The following THRAP3 variants were observed in gnomAD, a reference collection of about 807,000 sequenced individuals.
The protein encoded by THRAP3 is thyroid hormone receptor-associated protein 3.
In THRAP3, 16 loss-of-function variants were observed where a neutral mutation model predicts 101.0. The ratio of observed to expected loss-of-function variants is 0.16; its 90% CI spans 0.11 to 0.24. The LOEUF (loss-of-function observed/expected upper bound fraction) is 0.24. Among genes scored for constraint, THRAP3 ranks in the 10% least tolerant of loss-of-function variants. The pLI, the probability that THRAP3 is intolerant of heterozygous loss-of-function variation, is 1.00. For synonymous variants in THRAP3, 407 were observed against 422.6 expected (o/e 0.96, Z 0.45); for missense variants, 989 against 1,202.7 (o/e 0.82, Z 2.63).
chr1:36,214,528 A>C, the THRAP3 span, among the ~76,000 whole-genome samples: 1 of 152,128 alleles, frequency 6.6e-6, no homozygotes. Flanking sequence ...GGTTTGCCCT[A>C]ATCCGTTCTC....
chr1:36,256,710 C>A (rs1323658949), intron 1 of THRAP3, among the ~76,000 whole-genome samples: 1 of 152,180 alleles, frequency 6.6e-6, no homozygotes, highest in Non-Finnish European at 1.5e-5. Context: ...AAACCAAAGT[C>A]CTTACTTTGA....
At chr1:36,264,113 G>A (rs1399745324) in intron 2 of THRAP3, among the ~76,000 whole-genome samples, 1 of 152,250 alleles carries the variant, frequency 6.6e-6, no homozygotes, top group Non-Finnish European at 1.5e-5. Context: ...AGGCTGGAGT[G>A]CAGTGGCGCA....
At chr1:36,272,439 AG>A (rs921815530) in intron 2 of THRAP3, among the ~76,000 whole-genome samples, 4 of 152,164 alleles carry the variant, frequency 2.6e-5, no homozygotes, top group African/African-American at 9.7e-5. Flanking sequence ...GCCTTGGCAG[AG>A]TGTTACTCTA....
At chr1:36,269,954 A>G (rs922482610) in intron 2 of THRAP3, among the ~76,000 whole-genome samples, 4 of 152,126 alleles carry the variant, frequency 2.6e-5, no homozygotes, top group African/African-American at 9.7e-5. Flanking sequence ...GGCTTTATCT[A>G]TCCACACTTG....
chr1:36,237,496 C>T (rs1294665827), intron 1 of THRAP3, among the ~76,000 whole-genome samples: 6 of 141,912 alleles, frequency 4.2e-5, no homozygotes, highest in Non-Finnish European at 9.1e-5. Flanking sequence ...AAAGGCTGGG[C>T]GCGATGGCTC....
chr1:36,215,082 A>G, the THRAP3 span, among the ~76,000 whole-genome samples: 3 of 151,356 alleles, frequency 2.0e-5, no homozygotes, highest in Non-Finnish European at 2.9e-5. Context: ...AAATTAGCCG[A>G]GCATGGTGGC....
rs1013322984 is a variant in THRAP3, at chr1:36,304,944, T to A, written c.*927T>A. Reference sequence around the variant, plus strand: ...ATCTTTTTATAAAATGAAAAGAAACTCCTATGATCGATTAAGGAAGGTGGT... The same window carrying A: ...ATCTTTTTATAAAATGAAAAGAAACACCTATGATCGATTAAGGAAGGTGGT... On this transcript the variant is annotated 3_prime_UTR_variant, in exon 12 of 12. Coordinates refer to ENST00000354618, the MANE Select transcript of THRAP3 (RefSeq NM_005119.4). 1.0e-4 allele frequency: 21 copies of A among 209,512 alleles called. No homozygotes were observed. Among genetic ancestry groups the A allele is most frequent in the Non-Finnish European group, 9.7e-6 (1 of 102,970 alleles). The allele number at this position is 209,512 out of a possible 1,614,324, so 13.0% of individuals were successfully genotyped here.
chr1:36,228,763 C>A (rs946089985), intron 1 of THRAP3, among the ~76,000 whole-genome samples: 3 of 152,156 alleles, frequency 2.0e-5, no homozygotes, highest in African/African-American at 4.8e-5. Context: ...AAAATGTGTT[C>A]TCCTTCTACC....
chr1:36,264,088 C>A (rs1645482434), intron 2 of THRAP3, among the ~76,000 whole-genome samples: 1 of 152,198 alleles, frequency 6.6e-6, no homozygotes, highest in Non-Finnish European at 1.5e-5. Flanking sequence ...GAGACGGAGT[C>A]TCGCTCTGTC....
At chr1:36,293,138 C>T (rs1645899725) in intron 7 of THRAP3, among the ~76,000 whole-genome samples, 1 of 141,072 alleles carries the variant, frequency 7.1e-6, no homozygotes, top group Admixed American at 7.9e-5. Flanking sequence ...AAGCAATTCT[C>T]ATGCCTTAGC....
chr1:36,288,662 T>G lies in THRAP3; in HGVS notation c.1041-398T>G, dbSNP rs566042633. ...AGCAAAACAGTCCAAGGTTGAACAT[T>G]CTATGTTAACTTTGCTGAAAGCAGA... On this transcript the variant is annotated intron_variant, in intron 4 of 11. Transcript: ENST00000354618. 9 of 985,484 alleles carry G rather than the reference T, an allele frequency of 9.1e-6. No homozygotes were observed. The South Asian group carries it at 4.2e-4, about 46-fold the overall frequency. 61.0% of individuals were successfully genotyped at this position (985,484 alleles called of 1,614,324 possible). A position where few individuals can be genotyped will look rare whatever the true frequency, so the allele number is the denominator to read the frequency against.
chr1:36,271,455 G>A lies in THRAP3; in HGVS notation c.-31-11078G>A, dbSNP rs989207150. Among the ~76,000 whole-genome samples, 3 of 152,066 alleles carry A rather than the reference G, an allele frequency of 2.0e-5. No individual in the cohort carries two copies. In the East Asian group the frequency reaches 5.8e-4, roughly 29 times the overall value. On this transcript the variant is annotated intron_variant, in intron 2 of 11. Coordinates refer to ENST00000354618, the MANE Select transcript of THRAP3 (RefSeq NM_005119.4). ...ATGCCAACACACCTGGCTAATTCTTGTATTTTTAGTGGAGACGGGGTTTCA... is the reference window on the plus strand; with the variant it reads ...ATGCCAACACACCTGGCTAATTCTTATATTTTTAGTGGAGACGGGGTTTCA...
intron 9 of THRAP3, among the ~76,000 whole-genome samples, chr1:36,297,225 G>C (rs1645964317): frequency 6.6e-6 from 1 of 152,196 alleles, no homozygotes; most frequent in Non-Finnish European, 1.5e-5. Context: ...TAGTTTTACA[G>C]ACAGTTCCAA....
At chr1:36,224,728 A>C (rs1216765075) in intron 1 of THRAP3, among the ~76,000 whole-genome samples, 1 of 151,958 alleles carries the variant, frequency 6.6e-6, no homozygotes, top group Non-Finnish European at 1.5e-5. Flanking sequence ...CTAGCTCCCA[A>C]GGCTCTTGGT....
At chr1:36,292,571 A>G (rs770553311) in intron 6 of THRAP3, 27 bp from the exon 7 acceptor site, 13 of 1,585,814 alleles carry the variant, frequency 8.2e-6, no homozygotes, top group South Asian at 2.2e-5. Context: ...TGCCTGGCCC[A>G]TAATGTGTTT....
chr1:36,220,323 T>G (rs1476255904), upstream of THRAP3, among the ~76,000 whole-genome samples: 4 of 152,188 alleles, frequency 2.6e-5, no homozygotes, highest in Non-Finnish European at 4.4e-5. Context: ...GCTAACATGA[T>G]GTCCGTTCTA....
At chr1:36,298,620 A>G (rs1570351497) in intron 9 of THRAP3, among the ~76,000 whole-genome samples, 3 of 151,946 alleles carry the variant, frequency 2.0e-5, no homozygotes, top group South Asian at 2.1e-4. Context: ...CAGCCTTCCA[A>G]CTAGGCTGAG....
intron 8 of THRAP3, 102 bp from the exon 9 acceptor site, chr1:36,296,481 T>TC: frequency 1.1e-6 from 1 of 906,488 alleles, no homozygotes; most frequent in Non-Finnish European, 1.7e-6. Context: ...TCCCAGTGCT[T>TC]CCTCTGCACC....
chr1:36,244,394 A>G (rs995135767), intron 1 of THRAP3, among the ~76,000 whole-genome samples: 3 of 152,204 alleles, frequency 2.0e-5, no homozygotes, highest in Non-Finnish European at 4.4e-5. Context: ...AAAGTCTTCA[A>G]AGGTTGAATG....
Sources: allele counts gnomAD v4.1 joint callset (sites outside exome capture counted in the v4.1 genomes callset), GRCh38; gene constraint gnomAD v4.1.1; transcripts MANE v1.5; gene names NCBI Gene and HGNC (gene_info 2026-07-23, HGNC 2026-07-21).